Variants in SYT6 observed in about 807,000 individuals in gnomAD.
SYT6 encodes the protein synaptotagmin-6.
SYT6 carries 24 observed loss-of-function variants against 38.4 expected under a neutral mutation model. That is an observed-to-expected ratio of 0.62 (90% CI 0.45 to 0.88). SYT6 has a LOEUF of 0.88. Ranked by LOEUF, SYT6 falls within the 40% of genes least tolerant of loss-of-function variation. SYT6 has a pLI of 0.00. For missense variants in SYT6, 611 were observed against 621.0 expected (o/e 0.98, Z 0.17); for synonymous variants, 265 against 241.9 (o/e 1.10, Z -0.89).
rs1442909916 is a variant in SYT6, at chr1:114,092,332, CTCTCTCTG to C, written c.*52-258_*52-251del. Among the ~76,000 whole-genome samples the C allele has an allele frequency of 1.5e-4, 21 of 138,856 alleles. 1 individual carries two copies. In the East Asian group the frequency reaches 8.2e-3, roughly 54 times the overall value. 91.1% of individuals were successfully genotyped at this position (138,856 alleles called of 152,430 possible). A position where few individuals can be genotyped will look rare whatever the true frequency, so the allele number is the denominator to read the frequency against. ...CTTAACTCTCTCTCTCTCTCTCTCT[CTCTCTCTG>C]TGTGTGTGTGTGTGTGTGTGTGTGT... On this transcript the variant is annotated intron_variant, in intron 7 of 7. Transcript: ENST00000610222.
Position 114,137,903 on chromosome 1 carries a change from A to C in SYT6, c.663T>G (p.Asp221Glu), listed in dbSNP as rs1449998398. ...LYKQKSVDGEDAKSEATKSCG... is the reference protein window; with the variant it reads ...LYKQKSVDGEEAKSEATKSCG... ...AGCTCTTGGTGGCCTCAGACTTGGC[A>C]TCCTCCCCATCCACCGACTTCTGCT... Residue 221 changes from aspartate (D) to glutamate (E), a missense_variant, in exon 3 of 8, where the codon GAT (aspartate) becomes GAG (glutamate). Asp to Glu is a conservative substitution (Grantham distance 45). Transcript: ENST00000610222. The C allele has an allele frequency of 6.2e-7, 1 of 1,613,934 alleles. No individual in the cohort carries two copies. The highest frequency in any genetic ancestry group is 1.1e-5 in the South Asian group (1 of 91,030).
intron 4 of SYT6, among the ~76,000 whole-genome samples, chr1:114,099,595 A>T (rs1169565135): frequency 1.3e-5 from 2 of 152,196 alleles, no homozygotes; most frequent in Non-Finnish European, 1.5e-5. Context: ...CAGCTCGTCA[A>T]TCCCTGGCTG....
chr1:114,152,796 T>G (rs999844890), intron 1 of SYT6: 4 of 152,042 alleles, frequency 2.6e-5, no homozygotes, highest in African/African-American at 4.8e-5. Flanking sequence ...CAGCTCGGGC[T>G]CCCGCCTCGG....
chr1:114,094,296 A>C (rs993096491), intron 6 of SYT6, among the ~76,000 whole-genome samples: 4 of 152,228 alleles, frequency 2.6e-5, no homozygotes, highest in Non-Finnish European at 5.9e-5. Context: ...TCCCCAGCAC[A>C]CAGGGAGATT....
intron 7 of SYT6, among the ~76,000 whole-genome samples, chr1:114,093,124 T>TTGC (rs1675420880): frequency 6.6e-6 from 1 of 152,164 alleles, no homozygotes; most frequent in African/African-American, 2.4e-5. Flanking sequence ...AAGCTGCTAC[T>TTGC]ATGCATCATG....
chr1:114,104,526 G>C (rs934383530), intron 3 of SYT6, among the ~76,000 whole-genome samples: 2 of 152,162 alleles, frequency 1.3e-5, no homozygotes, highest in Admixed American at 6.5e-5. Flanking sequence ...TTTGATGAAG[G>C]AGGGCGCTGT....
chr1:114,145,288 C>T (rs1159931953), intron 1 of SYT6, among the ~76,000 whole-genome samples: 1 of 152,128 alleles, frequency 6.6e-6, no homozygotes, highest in Admixed American at 6.5e-5. Context: ...TATCTATTCA[C>T]TCATTTAATC....
chr1:114,104,923 A>G (rs1392138223), intron 3 of SYT6, among the ~76,000 whole-genome samples: 1 of 152,072 alleles, frequency 6.6e-6, no homozygotes, highest in Non-Finnish European at 1.5e-5. Context: ...TGGGGTACAG[A>G]TGATCCTGCC....
intron 1 of SYT6, among the ~76,000 whole-genome samples, chr1:114,147,846 A>T (rs923243541): frequency 5.3e-5 from 8 of 152,228 alleles, no homozygotes; most frequent in Non-Finnish European, 1.0e-4. Flanking sequence ...TACACAGTGA[A>T]TGTCCCCAAA....
intron 3 of SYT6, among the ~76,000 whole-genome samples, chr1:114,119,483 G>A (rs547367815): frequency 1.3e-5 from 2 of 152,358 alleles, no homozygotes; most frequent in South Asian, 4.1e-4. Context: ...TGGGCACTTG[G>A]CTGAGATTTG....
chr1:114,095,177 A>G (rs901157534), intron 6 of SYT6, among the ~76,000 whole-genome samples: 1 of 152,210 alleles, frequency 6.6e-6, no homozygotes, highest in Non-Finnish European at 1.5e-5. Context: ...AAGTAAACCC[A>G]AAGGATATCA....
At chr1:114,153,202 C>G (rs1412934152) in intron 1 of SYT6, among the ~76,000 whole-genome samples, 1 of 152,236 alleles carries the variant, frequency 6.6e-6, no homozygotes, top group Non-Finnish European at 1.5e-5. Context: ...GACCTCGACA[C>G]TCGCTAGGAG....
At chr1:114,108,774 G>A (rs1258547015) in intron 3 of SYT6, among the ~76,000 whole-genome samples, 1 of 152,200 alleles carries the variant, frequency 6.6e-6, no homozygotes, top group Non-Finnish European at 1.5e-5. Flanking sequence ...AGCAGCGAGT[G>A]GCGTCAGTGC....
intron 3 of SYT6, among the ~76,000 whole-genome samples, chr1:114,104,595 C>T (rs986622559): frequency 6.6e-5 from 10 of 152,316 alleles, no homozygotes; most frequent in Non-Finnish European, 1.2e-4. Flanking sequence ...GAGACATTTC[C>T]TCCCATAGGG....
In SYT6 at chr1:114,112,649, C is replaced by T. The variant is rs532737252; in HGVS notation, c.1072-8928G>A. Among the ~76,000 whole-genome samples, 57 of 152,314 alleles carry T rather than the reference C, an allele frequency of 3.7e-4. No homozygotes were observed. In the South Asian group the frequency reaches 5.6e-3, roughly 15 times the overall value. ...CCTGGTCAAGCCAGGAAGTCTGTGCCGTAGGGTGCTTGTGCCTGAGAGCCC... is the reference window on the plus strand; with the variant it reads ...CCTGGTCAAGCCAGGAAGTCTGTGCTGTAGGGTGCTTGTGCCTGAGAGCCC... On this transcript the variant is annotated intron_variant, in intron 3 of 7. Coordinates refer to ENST00000610222, the MANE Select transcript of SYT6 (RefSeq NM_001253772.2).
chr1:114,113,746 G>A (rs183485796), intron 3 of SYT6, among the ~76,000 whole-genome samples: 97 of 152,124 alleles, frequency 6.4e-4, no homozygotes, highest in African/African-American at 2.1e-3. Context: ...GCATACAGCC[G>A]CCTCCTATCT....
Position 114,139,822 on chromosome 1 carries a change from G to A in SYT6, c.305C>T (p.Pro102Leu), listed in dbSNP as rs199728827. The change falls in exon 2 of 8, where the codon CCC becomes CTC. Residue 102 changes from proline (P) to leucine (L), a missense_variant. By Grantham distance (98) the Pro-to-Leu change is moderately conservative. Coordinates refer to ENST00000610222, the MANE Select transcript of SYT6 (RefSeq NM_001253772.2). ...GCTGGGGCTCTGGAGGGCTTCCAAG[G>A]GGGGATTAGCAGAAGAGGGACTGGA... ...EASSPSSANP[P>L]LEALQSPSFR... is the part of the protein sequence containing the mutation. 1.0e-5 allele frequency: 16 copies of A among 1,603,248 alleles called. No individual in the cohort carries two copies. Among genetic ancestry groups the A allele is most frequent in the Middle Eastern group, 1.7e-4 (1 of 6,004 alleles).
intron 3 of SYT6, among the ~76,000 whole-genome samples, chr1:114,136,065 A>G (rs1678462539): frequency 6.6e-6 from 1 of 152,126 alleles, no homozygotes; most frequent in Admixed American, 6.5e-5. Context: ...ATGACATTTC[A>G]GGAAAGCAAA....
At chr1:114,122,695 A>T (rs907904010) in intron 3 of SYT6, among the ~76,000 whole-genome samples, 1 of 152,114 alleles carries the variant, frequency 6.6e-6, no homozygotes, top group East Asian at 1.9e-4. Flanking sequence ...TTCCTAGGGA[A>T]CACCCACTCC....
Sources: allele counts gnomAD v4.1 joint callset (sites outside exome capture counted in the v4.1 genomes callset), GRCh38; gene constraint gnomAD v4.1.1; transcripts MANE v1.5; gene names NCBI Gene and HGNC (gene_info 2026-07-23, HGNC 2026-07-21).